The following ENOX1 variants were observed in gnomAD, a reference collection of about 807,000 sequenced individuals.
ENOX1 encodes candidate growth-related and time keeping constitutive hydroquinone (NADH) oxidase.
In ENOX1, 42 loss-of-function variants were observed where a neutral mutation model predicts 82.5. That is an observed-to-expected ratio of 0.51 (90% CI 0.40 to 0.66). The LOEUF is 0.66. Among genes scored for constraint, ENOX1 ranks in the 30% least tolerant of loss-of-function variants. The pLI, the probability that ENOX1 is intolerant of heterozygous loss-of-function variation, is 0.00. For synonymous variants in ENOX1, 271 were observed against 282.2 expected, an observed-to-expected ratio of 0.96 and a Z score of 0.40; for missense variants, 608 against 811.6, an observed-to-expected ratio of 0.75 and a Z score of 3.05.
At chr13:43,772,852 C>A (rs9533612) in intron 1 of ENOX1, among the ~76,000 whole-genome samples, 2 of 151,698 alleles carry the variant, frequency 1.3e-5, no homozygotes, top group East Asian at 1.9e-4. Flanking sequence ...CTATCTTCAG[C>A]GTTCTGCATC....
intron 1 of ENOX1, among the ~76,000 whole-genome samples, chr13:43,674,064 C>T (rs985064971): frequency 3.3e-5 from 5 of 152,156 alleles, no homozygotes; most frequent in Non-Finnish European, 7.3e-5. Context: ...TGAATTTCTG[C>T]CTCTTCTCTG....
At chr13:43,401,543 G>C (rs187847002) in intron 5 of ENOX1, among the ~76,000 whole-genome samples, 151 of 152,300 alleles carry the variant, frequency 9.9e-4, no homozygotes, top group South Asian at 5.2e-3. Context: ...GAGTACAAGA[G>C]AGGAAGGAGC....
chr13:43,635,559 A>G (rs1419376250), intron 2 of ENOX1, among the ~76,000 whole-genome samples: 3 of 152,222 alleles, frequency 2.0e-5, no homozygotes, highest in Admixed American at 2.0e-4. Flanking sequence ...TCTATTTGAA[A>G]TGTAAAAATA....
rs184414335 is a variant in ENOX1 at position 43,427,653 on chromosome 13, C to T, written c.-74-14665G>A. On this transcript the variant is annotated intron_variant, in intron 3 of 16. Coordinates refer to ENST00000690772, the MANE Select transcript of ENOX1 (RefSeq NM_001347969.2). ...ACTGTATGTAGCACTGTGCTTGATA[C>T]CAAGAACGTAATAGTGAACAAGACA... is the stretch of plus-strand genomic sequence containing the variant. Among the ~76,000 whole-genome samples the T allele has an allele frequency of 1.8e-3, 274 of 152,224 alleles. 1 individual carries two copies. Among genetic ancestry groups the T allele is most frequent in the Non-Finnish European group, 3.0e-3 (201 of 68,016 alleles).
chr13:43,252,792 G>A (rs2043531127), intron 14 of ENOX1, among the ~76,000 whole-genome samples: 1 of 152,092 alleles, frequency 6.6e-6, no homozygotes, highest in Non-Finnish European at 1.5e-5. Context: ...TGGGCATGGT[G>A]GCAGGTCAGT....
rs560842197 is a variant in ENOX1, at chr13:43,513,166, G to T, written c.-218-29014C>A. ...TCTATTAAAAATACAAAAATTAGCTGGGTGTGCTGGTGCAAGTTTCTAATC... is the reference window on the plus strand; with the variant it reads ...TCTATTAAAAATACAAAAATTAGCTTGGTGTGCTGGTGCAAGTTTCTAATC... On this transcript the variant is annotated intron_variant, in intron 2 of 16. Transcript: ENST00000690772. 4.6e-5 allele frequency among the ~76,000 whole-genome samples: 7 copies of T among 152,142 alleles called. No individual in the cohort carries two copies. In the South Asian group the frequency reaches 1.2e-3, roughly 27 times the overall value.
At chr13:43,401,085 A>C (rs1275573487) in intron 5 of ENOX1, among the ~76,000 whole-genome samples, 1 of 152,144 alleles carries the variant, frequency 6.6e-6, no homozygotes, top group Non-Finnish European at 1.5e-5. Context: ...ATATTAGAGT[A>C]TTTGGCACAT....
intron 3 of ENOX1, 96 bp from the exon 4 acceptor site, chr13:43,413,084 A>C: frequency 8.1e-7 from 1 of 1,235,492 alleles, no homozygotes; most frequent in Non-Finnish European, 1.1e-6. Context: ...ATCAAAAACA[A>C]AGACCGATTT....
chr13:43,318,270 C>T (rs140853072), intron 11 of ENOX1, among the ~76,000 whole-genome samples: 426 of 152,332 alleles, frequency 2.8e-3, no homozygotes, highest in African/African-American at 9.8e-3. Context: ...GAGGTACATA[C>T]ACTATGTAGT....
rs1032048788 is a variant in ENOX1 at position 43,439,528 on chromosome 13, A to C, written c.-74-26540T>G. ...CTATCTTCTAATCTTAAGGGTCCAC[A>C]AATGTGATGTTATAGTGTTCCTGGC... On this transcript the variant is annotated intron_variant, in intron 3 of 16. Coordinates refer to ENST00000690772, the MANE Select transcript of ENOX1 (RefSeq NM_001347969.2). Among the ~76,000 whole-genome samples, 3 of 152,096 alleles carry C rather than the reference A, an allele frequency of 2.0e-5. No homozygotes were observed. In the South Asian group the frequency reaches 6.2e-4, roughly 32 times the overall value.
chr13:43,511,699 C>T (rs1045064986), intron 2 of ENOX1, among the ~76,000 whole-genome samples: 1 of 152,122 alleles, frequency 6.6e-6, no homozygotes, highest in Non-Finnish European at 1.5e-5. Context: ...TTCACTGATT[C>T]TTACTCGTTC....
intron 2 of ENOX1, among the ~76,000 whole-genome samples, chr13:43,499,475 T>C (rs2076904720): frequency 6.6e-6 from 1 of 151,990 alleles, no homozygotes; most frequent in Admixed American, 6.6e-5. Flanking sequence ...ATATCCACAA[T>C]ACAAAGACCC....
intron 14 of ENOX1, among the ~76,000 whole-genome samples, chr13:43,264,686 A>G (rs917700467): frequency 2.6e-5 from 4 of 152,238 alleles, no homozygotes; most frequent in Admixed American, 1.3e-4. Context: ...AGGATAATCA[A>G]ATACAGATAT....
chr13:43,425,080 A>G (rs920565928), intron 3 of ENOX1, among the ~76,000 whole-genome samples: 2 of 152,152 alleles, frequency 1.3e-5, no homozygotes, highest in Admixed American at 1.3e-4. Flanking sequence ...CTAGAGGCAG[A>G]TTAGGGGGCA....
At chr13:43,718,440 A>T (rs866056086) in intron 1 of ENOX1, among the ~76,000 whole-genome samples, 3 of 152,156 alleles carry the variant, frequency 2.0e-5, no homozygotes, top group Non-Finnish European at 1.5e-5. Flanking sequence ...TACTATGCTC[A>T]CTACCTGGAG....
intron 3 of ENOX1, among the ~76,000 whole-genome samples, chr13:43,440,908 G>A (rs1427677752): frequency 5.9e-5 from 9 of 152,154 alleles, no homozygotes; most frequent in Non-Finnish European, 1.3e-4. Context: ...GCAGTAATAA[G>A]ACACATTGAC....
chr13:43,305,335 A>G (rs866239492), intron 11 of ENOX1, among the ~76,000 whole-genome samples: 1 of 152,226 alleles, frequency 6.6e-6, no homozygotes, highest in East Asian at 1.9e-4. Flanking sequence ...TATTATTATT[A>G]CAACTTAGCA....
At chr13:43,740,071 T>C (rs2089827572) in intron 1 of ENOX1, among the ~76,000 whole-genome samples, 1 of 152,202 alleles carries the variant, frequency 6.6e-6, no homozygotes, top group African/African-American at 2.4e-5. Context: ...AAGTGGTCGG[T>C]GCCCCTAACT....
At chr13:43,410,478 A>C (rs1009181416) in intron 5 of ENOX1, among the ~76,000 whole-genome samples, 3 of 152,110 alleles carry the variant, frequency 2.0e-5, no homozygotes. Flanking sequence ...TATCCTAAAT[A>C]TAATGTTTTA....
Sources: gnomAD v4.1 joint callset for allele counts (sites outside exome capture counted in the v4.1 genomes callset) on GRCh38, gnomAD v4.1.1 for gene constraint, MANE v1.5 for transcripts, NCBI Gene and HGNC (gene_info 2026-07-23, HGNC 2026-07-21) for gene names.